The following COL8A1 variants were observed in gnomAD, a reference collection of about 807,000 sequenced individuals.
The protein encoded by COL8A1 is collagen type VIII alpha 1 chain.
Under a neutral mutation model 42.7 loss-of-function variants are expected in COL8A1, and 21 were observed. The observed-to-expected ratio is 0.49, with a 90% CI of 0.35 to 0.71. The LOEUF is 0.71. Among genes scored for constraint, COL8A1 ranks in the 30% least tolerant of loss-of-function variants. The pLI is 0.01. For missense variants in COL8A1, 788 were observed against 962.4 expected (o/e 0.82, Z 2.40); for synonymous variants, 367 against 369.1 (o/e 0.99, Z 0.06).
intron 1 of COL8A1, among the ~76,000 whole-genome samples, chr3:99,670,056 T>C (rs531437118): frequency 1.3e-5 from 2 of 152,234 alleles, no homozygotes; most frequent in African/African-American, 2.4e-5. Flanking sequence ...TTTATATTTC[T>C]GTAGATTCAT....
chr3:99,769,000 A>G (rs1941524942), intron 2 of COL8A1, among the ~76,000 whole-genome samples: 1 of 152,184 alleles, frequency 6.6e-6, no homozygotes, highest in Non-Finnish European at 1.5e-5. Context: ...TCATACAGGA[A>G]AGGATTTTGT....
chr3:99,713,047 G>A (rs1221597997), intron 1 of COL8A1, among the ~76,000 whole-genome samples: 2 of 152,108 alleles, frequency 1.3e-5, no homozygotes, highest in African/African-American at 2.4e-5. Flanking sequence ...CAAAAATTCT[G>A]ATAATAGTAG....
At chr3:99,737,243 A>C (rs1403225458) in intron 1 of COL8A1, among the ~76,000 whole-genome samples, 3 of 151,458 alleles carry the variant, frequency 2.0e-5, no homozygotes, top group Non-Finnish European at 4.4e-5. Context: ...TTTAAAGTTA[A>C]TAATATGTGA....
chr3:99,683,423 C>T (rs1192456143), intron 1 of COL8A1, among the ~76,000 whole-genome samples: 1 of 152,132 alleles, frequency 6.6e-6, no homozygotes, highest in Non-Finnish European at 1.5e-5. Context: ...GAACTTATTT[C>T]ACAAACTAAG....
Position 99,659,307 on chromosome 3 carries a change from A to G in COL8A1, c.-129+20643A>G, listed in dbSNP as rs534217671. Among the ~76,000 whole-genome samples the G allele has an allele frequency of 1.8e-4, 28 of 152,316 alleles. No individual in the cohort carries two copies. The South Asian group carries it at 4.4e-3, about 24-fold the overall frequency. ...CCAGTGCTTTCACGGCACATTAGTC[A>G]CAACTCCCACTTAACTTCTCACGGC... On this transcript the variant is annotated intron_variant, in intron 1 of 3. Transcript: ENST00000652472.
chr3:99,778,072 C>T (rs1377192712), intron 2 of COL8A1, among the ~76,000 whole-genome samples: 1 of 152,138 alleles, frequency 6.6e-6, no homozygotes, highest in African/African-American at 2.4e-5. Flanking sequence ...AATTGTGGAA[C>T]TTTGCAAAGT....
chr3:99,680,470 C>T (rs1000877675), intron 1 of COL8A1: 3 of 152,188 alleles, frequency 2.0e-5, no homozygotes, highest in African/African-American at 4.8e-5. Context: ...GTGCATGTGT[C>T]TTCATAGCAG....
intron 2 of COL8A1, among the ~76,000 whole-genome samples, chr3:99,754,005 T>C (rs969353756): frequency 2.0e-5 from 3 of 152,236 alleles, no homozygotes; most frequent in Non-Finnish European, 4.4e-5. Flanking sequence ...ATTTAAAACA[T>C]AGTTGCTGAA....
intron 1 of COL8A1, among the ~76,000 whole-genome samples, chr3:99,724,535 G>A (rs1469732440): frequency 1.3e-5 from 2 of 151,932 alleles, no homozygotes; most frequent in Non-Finnish European, 2.9e-5. Flanking sequence ...ATTTCTTTGT[G>A]TTTATAGTCT....
intron 1 of COL8A1, among the ~76,000 whole-genome samples, chr3:99,725,577 T>C (rs13099452): frequency 0.23 from 22,656 of 97,074 alleles, 2,878 homozygotes; most frequent in African/African-American, 0.37. Context: ...CCCCCCACCC[T>C]ACAACAGTCC....
At position 99,718,696 on chromosome 3, in the gene COL8A1, A is replaced by G. The variant is rs1433835990; in HGVS notation, c.-128-26201A>G. On this transcript the variant is annotated intron_variant, in intron 1 of 3. Transcript: ENST00000652472. ...AAGTTAACCTTTTTTCTGGGGTAAG[A>G]AAAGCTTTACTGAATCCATGTGATG... 2.0e-5 allele frequency among the ~76,000 whole-genome samples: 3 copies of G among 152,076 alleles called. No individual in the cohort carries two copies. In the East Asian group the frequency reaches 5.8e-4, roughly 29 times the overall value.
At chr3:99,723,140 T>G (rs1012149407) in intron 1 of COL8A1, among the ~76,000 whole-genome samples, 2 of 151,966 alleles carry the variant, frequency 1.3e-5, no homozygotes, top group South Asian at 2.1e-4. Flanking sequence ...TGAGTAGTAT[T>G]CTGCTCTCTA....
At chr3:99,737,633 G>A (rs1361033058) in intron 1 of COL8A1, among the ~76,000 whole-genome samples, 26 of 152,186 alleles carry the variant, frequency 1.7e-4, no homozygotes, top group Non-Finnish European at 2.5e-4. Flanking sequence ...AGGGTAACCC[G>A]ACCTTTCTCT....
intron 1 of COL8A1, among the ~76,000 whole-genome samples, chr3:99,682,484 C>A (rs983515423): frequency 6.6e-6 from 1 of 152,026 alleles, no homozygotes; most frequent in African/African-American, 2.4e-5. Context: ...ATTATAATCA[C>A]CTGCTCACTA....
intron 2 of COL8A1, among the ~76,000 whole-genome samples, chr3:99,755,330 A>G (rs1941233787): frequency 6.6e-6 from 1 of 152,216 alleles, no homozygotes; most frequent in South Asian, 2.1e-4. Flanking sequence ...CTTTATACAA[A>G]TATAGTAGAA....
At chr3:99,772,241 C>T (rs148665158) in intron 2 of COL8A1, among the ~76,000 whole-genome samples, 68 of 152,256 alleles carry the variant, frequency 4.5e-4, no homozygotes, top group African/African-American at 1.5e-3. Context: ...AAGCTACATA[C>T]TGTATAATTC....
chr3:99,670,945 GGTGT>G (rs57998251), intron 1 of COL8A1, among the ~76,000 whole-genome samples: 16 of 149,360 alleles, frequency 1.1e-4, no homozygotes, highest in South Asian at 4.2e-4. Flanking sequence ...GCTCATCCGG[GGTGT>G]GTGTGTGTGT....
intron 2 of COL8A1, among the ~76,000 whole-genome samples, chr3:99,783,476 G>C (rs890216033): frequency 3.9e-5 from 6 of 152,226 alleles, no homozygotes; most frequent in Admixed American, 1.3e-4. Context: ...ACCAGTAAAT[G>C]TTCATTGGAT....
chr3:99,690,115 CTGTT>C (rs779983890), intron 1 of COL8A1, among the ~76,000 whole-genome samples: 3 of 152,142 alleles, frequency 2.0e-5, no homozygotes, highest in Non-Finnish European at 4.4e-5. Context: ...GTGTATGCCA[CTGTT>C]TGTTAGTTCT....
Sources: allele counts gnomAD v4.1 joint callset (sites outside exome capture counted in the v4.1 genomes callset), GRCh38; gene constraint gnomAD v4.1.1; transcripts MANE v1.5; gene names NCBI Gene and HGNC (gene_info 2026-07-23, HGNC 2026-07-21).